The following ERN1 variants were observed in gnomAD, a reference collection of about 807,000 sequenced individuals.
ERN1 encodes endoplasmic reticulum to nucleus signaling 1, also known as serine/threonine-protein kinase/endoribonuclease IRE1.
ERN1 carries 39 observed loss-of-function variants against 113.1 expected under a neutral mutation model. The observed-to-expected ratio is 0.34, with a 90% CI of 0.27 to 0.45. The LOEUF is 0.45. Among genes scored for constraint, ERN1 ranks in the 20% least tolerant of loss-of-function variants. The probability of loss-of-function intolerance (pLI) is 1.00; values close to 1 mark genes in which losing one functional copy is unlikely to be tolerated. For synonymous variants in ERN1, 507 were observed against 515.9 expected (o/e 0.98, Z 0.23); for missense variants, 976 against 1,274.8 (o/e 0.77, Z 3.57).
intron 2 of ERN1, among the ~76,000 whole-genome samples, chr17:64,088,530 C>A (rs1222714765): frequency 6.6e-6 from 1 of 152,188 alleles, no homozygotes; most frequent in Non-Finnish European, 1.5e-5. Flanking sequence ...CATGCACCCC[C>A]ATTCCCCGCC....
At chr17:64,080,552 C>T in intron 3 of ERN1, 1 of 486,454 alleles carries the variant, frequency 2.1e-6, no homozygotes, top group Non-Finnish European at 3.7e-6. Flanking sequence ...TGAGTTTCAT[C>T]TCAAATAAGC....
At chr17:64,059,633 A>ATGAGAGAGAGAGG (rs1261838440) in intron 11 of ERN1, among the ~76,000 whole-genome samples, 1 of 152,180 alleles carries the variant, frequency 6.6e-6, no homozygotes, top group Admixed American at 6.5e-5. Flanking sequence ...ACACCAGCAG[A>ATGAGAGAGAGAGG]TGAGAGAGAG....
In ERN1 at chr17:64,112,367, C is replaced by CAAA. The variant is rs779687545; in HGVS notation, c.55-14129_55-14127dup. ...TGGGCGACAGACCGAGACTCTGTCTCAAAAAAAAAAAAAAAGAAGAAGAAG... is the reference window on the plus strand; with the variant it reads ...TGGGCGACAGACCGAGACTCTGTCTCAAAAAAAAAAAAAAAAAAGAAGAAGAAG... On this transcript the variant is annotated intron_variant, in intron 1 of 21. Coordinates refer to ENST00000433197, the MANE Select transcript of ERN1 (RefSeq NM_001433.5). 1.5e-3 allele frequency among the ~76,000 whole-genome samples: 137 copies of CAAA among 88,388 alleles called. 1 individual carries two copies. The highest frequency in any genetic ancestry group is 4.1e-3 in the African/African-American group (116 of 28,234). 58.0% of individuals were successfully genotyped at this position (88,388 alleles called of 152,430 possible). A position where few individuals can be genotyped will look rare whatever the true frequency, so the allele number is the denominator to read the frequency against.
At chr17:64,113,266 C>T (rs2143486532) in intron 1 of ERN1, among the ~76,000 whole-genome samples, 1 of 152,234 alleles carries the variant, frequency 6.6e-6, no homozygotes, top group East Asian at 1.9e-4. Flanking sequence ...GTTCCCTTAA[C>T]CACTGCATAT....
At chr17:64,068,950 C>A (rs891864141) in intron 6 of ERN1, among the ~76,000 whole-genome samples, 3 of 152,046 alleles carry the variant, frequency 2.0e-5, no homozygotes, top group African/African-American at 7.2e-5. Flanking sequence ...TATTGTGAGA[C>A]AAATGAGCTG....
At chr17:64,103,448 G>A (rs1206140105) in intron 1 of ERN1, among the ~76,000 whole-genome samples, 1 of 143,268 alleles carries the variant, frequency 7.0e-6, no homozygotes, top group Non-Finnish European at 1.5e-5. Flanking sequence ...AGTGAGCCGA[G>A]ATCACGCCAC....
intron 12 of ERN1, 84 bp from the exon 13 acceptor site, chr17:64,056,032 G>A (rs761599089): frequency 1.8e-4 from 265 of 1,460,658 alleles, no homozygotes; most frequent in Non-Finnish European, 2.2e-4. Context: ...TCCCAGTGGC[G>A]GAGGGAGCAT....
intron 13 of ERN1, among the ~76,000 whole-genome samples, chr17:64,055,296 T>C (rs1325024473): frequency 2.6e-5 from 4 of 152,184 alleles, no homozygotes; most frequent in East Asian, 3.9e-4. Flanking sequence ...TCCCTCAGAA[T>C]TGGGGCTCTG....
At chr17:64,110,686 C>T (rs1914647889) in intron 1 of ERN1, among the ~76,000 whole-genome samples, 1 of 152,194 alleles carries the variant, frequency 6.6e-6, no homozygotes, top group South Asian at 2.1e-4. Context: ...CAATAAGATG[C>T]TCACACAAAA....
intron 6 of ERN1, among the ~76,000 whole-genome samples, chr17:64,068,810 T>C (rs1335188531): frequency 6.6e-6 from 1 of 152,196 alleles, no homozygotes; most frequent in Non-Finnish European, 1.5e-5. Context: ...GGTGCCATGA[T>C]GAGCATGACT....
chr17:64,055,863 T>TGCG lies in ERN1; in HGVS notation c.1483_1484insCGC (p.Gln494_Gln495insPro), dbSNP rs1567863613. ...GTCTCCAGGTGGGTGGAAGGGCAGC[T>TGCG]GCTGCTGCTGCTGCTGCAGGAGCTG... On this transcript the variant is annotated inframe_insertion, in exon 13 of 22. Transcript: ENST00000433197. 2 of 1,507,154 alleles carry TGCG rather than the reference T, an allele frequency of 1.3e-6. No individual in the cohort carries two copies. The highest frequency in any genetic ancestry group is 1.4e-5 in the African/African-American group (1 of 71,764). The allele number at this position is 1,507,154 out of a possible 1,614,324, so 93.4% of individuals were successfully genotyped here.
chr17:64,079,228 G>A (rs934231715), intron 4 of ERN1, among the ~76,000 whole-genome samples: 5 of 152,112 alleles, frequency 3.3e-5, no homozygotes, highest in African/African-American at 9.7e-5. Context: ...GTATAATTAA[G>A]GCTGAAAACC....
chr17:64,126,831 CAT>C (rs1382164037), intron 1 of ERN1, among the ~76,000 whole-genome samples: 1 of 151,776 alleles, frequency 6.6e-6, no homozygotes, highest in African/African-American at 2.4e-5. Flanking sequence ...TCTATACACA[CAT>C]GATCCTCAGT....
intron 1 of ERN1, among the ~76,000 whole-genome samples, chr17:64,126,922 TA>T (rs983642369): frequency 1.5e-4 from 23 of 151,458 alleles, no homozygotes; most frequent in African/African-American, 5.1e-4. Flanking sequence ...TTATAGCTTT[TA>T]AAAAAAAAGG....
intron 8 of ERN1, among the ~76,000 whole-genome samples, chr17:64,066,469 T>C (rs1006604862): frequency 3.3e-5 from 5 of 152,156 alleles, no homozygotes; most frequent in Non-Finnish European, 4.4e-5. Context: ...TATGTAATAT[T>C]TAATAACTCT....
At chr17:64,077,562 A>G (rs553393439) in intron 4 of ERN1, among the ~76,000 whole-genome samples, 128 of 152,160 alleles carry the variant, frequency 8.4e-4, no homozygotes, top group Non-Finnish European at 1.4e-3. Context: ...TTTGCTCAAC[A>G]TCACGCTTGT....
intron 19 of ERN1, among the ~76,000 whole-genome samples, chr17:64,047,448 G>A (rs1170150587): frequency 6.6e-6 from 1 of 152,180 alleles, no homozygotes. Flanking sequence ...AACCTGGGGT[G>A]GGGAGAGGGT....
Position 64,055,734 on chromosome 17 carries a change from C to A in ERN1, c.1613G>T (p.Cys538Phe). The A allele has an allele frequency of 6.2e-7, 1 of 1,611,710 alleles. No individual in the cohort carries two copies. Among genetic ancestry groups the A allele is most frequent in the Non-Finnish European group, 8.5e-7 (1 of 1,179,054 alleles). The change falls in exon 13 of 22, where the codon TGC (cysteine) becomes TTC (phenylalanine). Residue 538 changes from cysteine to phenylalanine, a missense_variant. Cys to Phe is a radical substitution (Grantham distance 205). Around this residue, in one of 5 missense-constraint regions of ERN1, gnomAD observed 112 missense variants for 106.2 expected, o/e 1.05. Transcript: ENST00000433197. Reference sequence around the variant, plus strand: ...AGCCTTGGAGGCAGAGCTGCCGGAGCAGAGCGAGTGGTTGGAGGCCCTGGG... The same window carrying A: ...AGCCTTGGAGGCAGAGCTGCCGGAGAAGAGCGAGTGGTTGGAGGCCCTGGG... Reference protein sequence around the residue: ...TSPRASNHSLCSGSSASKAGS... With the variant: ...TSPRASNHSLFSGSSASKAGS...
At chr17:64,115,317 A>C (rs1439895630) in intron 1 of ERN1, among the ~76,000 whole-genome samples, 2 of 151,984 alleles carry the variant, frequency 1.3e-5, no homozygotes, top group African/African-American at 4.8e-5. Flanking sequence ...TAGTTCACTT[A>C]CTCCAACCCT....
Sources: allele counts gnomAD v4.1 joint callset (sites outside exome capture counted in the v4.1 genomes callset), GRCh38; gene constraint gnomAD v4.1.1; regional missense constraint gnomAD v4.1.1; transcripts MANE v1.5; gene names NCBI Gene and HGNC (gene_info 2026-07-23, HGNC 2026-07-21).